PCDHGA1: variants seen among roughly 807,000 people sequenced by gnomAD.
PCDHGA1 encodes protocadherin gamma-A1.
In PCDHGA1, 32 loss-of-function variants were observed where a neutral mutation model predicts 58.0. The ratio of observed to expected loss-of-function variants is 0.55; its 90% CI spans 0.42 to 0.74. PCDHGA1 has a LOEUF of 0.74. Ranked by LOEUF, PCDHGA1 falls within the 30% of genes least tolerant of loss-of-function variation. PCDHGA1 has a pLI of 0.00. For missense variants in PCDHGA1, 1,205 were observed against 1,182.3 expected (o/e 1.02, Z -0.28); for synonymous variants, 498 against 501.1 (o/e 0.99, Z 0.08).
At chr5:141,352,929 A>G (rs1001417027) in intron 1 of PCDHGA1, among the ~76,000 whole-genome samples, 6 of 152,240 alleles carry the variant, frequency 3.9e-5, no homozygotes, top group Admixed American at 1.3e-4. Flanking sequence ...TGGAGATTGT[A>G]GTGAGCCAAG....
chr5:141,409,116 A>G (rs1236625059), intron 1 of PCDHGA1: 1 of 1,614,034 alleles, frequency 6.2e-7, no homozygotes. Flanking sequence ...AAGAATAACC[A>G]GTCATTTGAT....
chr5:141,389,085 A>T (rs2091598298), intron 1 of PCDHGA1: 6 of 1,614,054 alleles, frequency 3.7e-6, no homozygotes, highest in Non-Finnish European at 5.1e-6. Context: ...AAACACGTAT[A>T]AATTAGTGAC....
At chr5:141,394,071 A>G (rs953618981) in intron 1 of PCDHGA1, 1 of 1,613,908 alleles carries the variant, frequency 6.2e-7, no homozygotes, top group Non-Finnish European at 8.5e-7. Context: ...TATCTACAAT[A>G]TCACAGTGAT....
chr5:141,427,304 C>T, intron 1 of PCDHGA1: 1 of 456,910 alleles, frequency 2.2e-6, no homozygotes, highest in Non-Finnish European at 4.4e-6. Flanking sequence ...ATGAGAATGA[C>T]AATGCCCCAG....
intron 1 of PCDHGA1, chr5:141,427,972 C>A: frequency 6.3e-7 from 1 of 1,593,948 alleles, no homozygotes; most frequent in Non-Finnish European, 8.6e-7. Context: ...GTGCTGTACC[C>A]CGCGCTGGGG....
At chr5:141,413,295 T>C in intron 1 of PCDHGA1, 1 of 1,613,940 alleles carries the variant, frequency 6.2e-7, no homozygotes, top group Middle Eastern at 1.7e-4. Context: ...ACTCAATTCC[T>C]GAGGAATTAG....
At chr5:141,451,776 G>C (rs1279891846) in intron 1 of PCDHGA1, among the ~76,000 whole-genome samples, 1 of 152,078 alleles carries the variant, frequency 6.6e-6, no homozygotes, top group Non-Finnish European at 1.5e-5. Flanking sequence ...AGCTACTCAG[G>C]AGGCTGAGGC....
intron 1 of PCDHGA1, chr5:141,398,003 A>C: frequency 1.4e-6 from 2 of 1,391,912 alleles, no homozygotes; most frequent in East Asian, 5.0e-5. Context: ...TCCTCGGAAA[A>C]AGAATCGTTT....
intron 1 of PCDHGA1, among the ~76,000 whole-genome samples, chr5:141,447,527 A>C (rs1278828003): frequency 6.6e-6 from 1 of 152,224 alleles, no homozygotes; most frequent in East Asian, 1.9e-4. Flanking sequence ...TCATAACAAA[A>C]TTGTTGGGTT....
rs1290674122 is a variant in PCDHGA1 at position 141,489,521 on chromosome 5, G to A, written c.2422-5286G>A. 3 of 1,613,988 alleles carry A rather than the reference G, an allele frequency of 1.9e-6. No individual in the cohort carries two copies. The highest frequency in any genetic ancestry group is 2.2e-5 in the East Asian group (1 of 44,886). On this transcript the variant is annotated intron_variant, in intron 1 of 3. Coordinates refer to ENST00000517417, the MANE Select transcript of PCDHGA1 (RefSeq NM_018912.3). This position sits in a 1 kb window ranked among gnomAD's most constrained non-coding sequence, Gnocchi z 4.5. ...GTGAATCAAAAGATTGACCGAGAAAGCCTATGTGGAGCCAGCACCAGCTGC... is the reference window on the plus strand; with the variant it reads ...GTGAATCAAAAGATTGACCGAGAAAACCTATGTGGAGCCAGCACCAGCTGC...
intron 1 of PCDHGA1, among the ~76,000 whole-genome samples, chr5:141,346,783 A>G (rs780472222): frequency 6.6e-6 from 1 of 152,234 alleles, no homozygotes; most frequent in Non-Finnish European, 1.5e-5. Context: ...TCCTTGAGTA[A>G]CTATGATGAG....
intron 1 of PCDHGA1, chr5:141,340,748 G>T (rs759128480): frequency 6.2e-7 from 1 of 1,614,048 alleles, no homozygotes; most frequent in Non-Finnish European, 8.5e-7. Flanking sequence ...CAAGGTGGTG[G>T]CGGTGGACAG....
At position 141,364,322 on chromosome 5, in the gene PCDHGA1, G is replaced by A. The variant is rs572334298; in HGVS notation, c.2421+31217G>A. The A allele has an allele frequency of 2.6e-6, 4 of 1,527,038 alleles. No homozygotes were observed. In the Admixed American group the frequency reaches 6.7e-5, roughly 26 times the overall value. The allele number at this position is 1,527,038 out of a possible 1,614,324, so 94.6% of individuals were successfully genotyped here. On this transcript the variant is annotated intron_variant, in intron 1 of 3. Transcript: ENST00000517417. ...CAGAACTAAGAGAAAATTGGGCAGAGAGAAGGCAATGGCGAGTCCACCTAG... is the reference window on the plus strand; with the variant it reads ...CAGAACTAAGAGAAAATTGGGCAGAAAGAAGGCAATGGCGAGTCCACCTAG...
intron 1 of PCDHGA1, among the ~76,000 whole-genome samples, chr5:141,473,873 C>CA (rs1471085914): frequency 2.6e-5 from 4 of 152,130 alleles, no homozygotes; most frequent in African/African-American, 7.2e-5. Flanking sequence ...GTGGAGAATG[C>CA]ATACACAAGG....
chr5:141,447,852 G>A (rs375081279), intron 1 of PCDHGA1, among the ~76,000 whole-genome samples: 2 of 152,144 alleles, frequency 1.3e-5, no homozygotes, highest in East Asian at 3.9e-4. Context: ...TTGGGAGGCC[G>A]AGGTGGGTGA....
At chr5:141,378,822 T>C (rs181427236) in intron 1 of PCDHGA1, 13 of 152,360 alleles carry the variant, frequency 8.5e-5, no homozygotes, top group Non-Finnish European at 1.6e-4. Flanking sequence ...CATTGTTTCA[T>C]GAACAGAAAA....
rs1384747578 is a variant in PCDHGA1, at chr5:141,332,033, C to T, written c.1349C>T (p.Pro450Leu). Residue 450 changes from proline (P) to leucine (L), a missense_variant, in exon 1 of 4, where the codon CCA (proline) becomes CTA (leucine). By Grantham distance (98) the Pro-to-Leu change is moderately conservative. Transcript: ENST00000517417. This position sits in a 1 kb window ranked among gnomAD's most constrained non-coding sequence, Gnocchi z 4.6. ...LLVTDINDNS[P>L]VFHQDSYSAY... ...GTGACAGATATCAATGACAACTCCC[C>T]AGTCTTCCATCAGGACTCCTACTCT... The T allele has an allele frequency of 6.2e-7, 1 of 1,614,148 alleles. No individual in the cohort carries two copies. Among genetic ancestry groups the T allele is most frequent in the African/African-American group, 1.3e-5 (1 of 75,034 alleles).
chr5:141,330,738 TTCTC>T lies in PCDHGA1; in HGVS notation c.56_59del (p.Ser19TrpfsTer26). On this transcript the variant is annotated frameshift_variant, in exon 1 of 4. Transcript: ENST00000517417. LOFTEE classifies it high-confidence loss of function. ...GCAGCAGGCTGATGCTTCTGTGTCT[TTCTC>T]TGGAGCTGCTGTTGGAAGCTGGGGC... 6.2e-7 allele frequency: 1 copy of T among 1,613,900 alleles called. No individual in the cohort carries two copies. The highest frequency in any genetic ancestry group is 8.5e-7 in the Non-Finnish European group (1 of 1,179,772).
rs144317211 is a variant in PCDHGA1 at position 141,432,088 on chromosome 5, A to G, written c.2422-62719A>G. On this transcript the variant is annotated intron_variant, in intron 1 of 3. Transcript: ENST00000517417. This position sits in a 1 kb window ranked among gnomAD's most constrained non-coding sequence, Gnocchi z 6.0. Reference sequence around the variant, plus strand: ...AAACTCATATCTCGCTGAACGTGGCAGACACCAACGACAACCCGCCGGTCT... The same window carrying G: ...AAACTCATATCTCGCTGAACGTGGCGGACACCAACGACAACCCGCCGGTCT... The G allele has an allele frequency of 6.2e-7, 1 of 1,614,148 alleles. No individual in the cohort carries two copies. Among genetic ancestry groups the G allele is most frequent in the South Asian group, 1.1e-5 (1 of 91,074 alleles).
Sources: allele counts gnomAD v4.1 joint callset (sites outside exome capture counted in the v4.1 genomes callset), GRCh38; gene constraint gnomAD v4.1.1; non-coding constraint Gnocchi (gnomAD v3.1); transcripts MANE v1.5; gene names NCBI Gene and HGNC (gene_info 2026-07-23, HGNC 2026-07-21).